Variants in PRKN observed in about 807,000 individuals in gnomAD.
The protein encoded by PRKN is parkin RBR E3 ubiquitin protein ligase, also known as E3 ubiquitin-protein ligase parkin.
Under a neutral mutation model 59.5 loss-of-function variants are expected in PRKN, and 56 were observed. That is an observed-to-expected ratio of 0.94 (90% CI 0.76 to 1.18). The LOEUF (loss-of-function observed/expected upper bound fraction) is 1.18. Ranked by LOEUF, PRKN falls within the 50% of genes most tolerant of loss-of-function variation. The probability of loss-of-function intolerance (pLI) is 0.00; values close to 1 mark genes in which losing one functional copy is unlikely to be tolerated. For synonymous variants in PRKN, 250 were observed against 222.1 expected, an observed-to-expected ratio of 1.13 and a Z score of -1.12; for missense variants, 657 against 596.4, an observed-to-expected ratio of 1.10 and a Z score of -1.06.
intron 1 of PRKN, among the ~76,000 whole-genome samples, chr6:162,511,071 A>T (rs1045250046): frequency 6.6e-6 from 1 of 152,168 alleles, no homozygotes; most frequent in African/African-American, 2.4e-5. Context: ...CCAATAGCAT[A>T]CTGTTTTCCA....
chr6:162,173,748 G>A (rs1435225783), intron 4 of PRKN, among the ~76,000 whole-genome samples: 3 of 152,216 alleles, frequency 2.0e-5, no homozygotes, highest in Non-Finnish European at 2.9e-5. Context: ...TTCAAATTCT[G>A]GCTCTGCCTA....
chr6:162,525,339 C>T (rs938932924), intron 1 of PRKN, among the ~76,000 whole-genome samples: 6 of 152,208 alleles, frequency 3.9e-5, no homozygotes, highest in Non-Finnish European at 2.9e-5. Flanking sequence ...ACTCACGGGC[C>T]TTCCTGCTGC....
At chr6:162,223,612 G>GAC (rs34881644) in intron 3 of PRKN, among the ~76,000 whole-genome samples, 8,233 of 129,174 alleles carry the variant, frequency 0.064, 273 homozygotes, top group Non-Finnish European at 0.078. Context: ...ATAGACACGT[G>GAC]ACACACACAC....
chr6:162,285,922 G>T (rs1413750202), intron 2 of PRKN, among the ~76,000 whole-genome samples: 3 of 152,164 alleles, frequency 2.0e-5, no homozygotes, highest in Non-Finnish European at 4.4e-5. Flanking sequence ...GGCGGCGGGG[G>T]CATAGATGGA....
chr6:161,402,379 C>T lies in PRKN; in HGVS notation c.1084-15502G>A, dbSNP rs1787088436. ...CATAGAAAGCAAACTAATTAAATGA[C>T]AGCTAAAGAGCAAGTGACTGTGTCC... On this transcript the variant is annotated intron_variant, in intron 9 of 11. Coordinates refer to ENST00000366898, the MANE Select transcript of PRKN (RefSeq NM_004562.3). The surrounding 1 kb of genome is among the most constrained non-coding windows in gnomAD (Gnocchi z 4.5). Among the ~76,000 whole-genome samples, 1 of 152,162 alleles carries T rather than the reference C, an allele frequency of 6.6e-6. No homozygotes were observed. The highest frequency in any genetic ancestry group is 1.5e-5 in the Non-Finnish European group (1 of 68,032).
chr6:162,461,917 G>T (rs1329467038), intron 1 of PRKN, among the ~76,000 whole-genome samples: 1 of 152,078 alleles, frequency 6.6e-6, no homozygotes, highest in Non-Finnish European at 1.5e-5. Context: ...GAATGATAGA[G>T]AAAAATAAGT....
intron 3 of PRKN, among the ~76,000 whole-genome samples, chr6:162,222,932 T>C (rs954059271): frequency 1.3e-5 from 2 of 151,986 alleles, no homozygotes; most frequent in Admixed American, 6.6e-5. Flanking sequence ...TATGTATACA[T>C]GTGCCATGCT....
intron 5 of PRKN, among the ~76,000 whole-genome samples, chr6:162,023,783 G>A (rs1256487488): frequency 1.3e-5 from 2 of 152,038 alleles, no homozygotes; most frequent in Non-Finnish European, 2.9e-5. Context: ...CCGTAGCCAG[G>A]GACCACGCCC....
Position 161,359,994 on chromosome 6 carries a change from G to C in PRKN, c.1285+94C>G. On this transcript the variant is annotated intron_variant, in intron 11 of 11. Transcript: ENST00000366898. The surrounding 1 kb of genome is among the most constrained non-coding windows in gnomAD (Gnocchi z 5.4). The stretch of plus-strand genomic sequence containing the variant: ...TTACCCAACACACCAGGCACCTTCA[G>C]ACAGCATCTCCTTTAATCCTGGAAT... The C allele has an allele frequency of 6.4e-6, 6 of 932,954 alleles. No homozygotes were observed. Among genetic ancestry groups the C allele is most frequent in the Non-Finnish European group, 1.1e-5 (6 of 559,684 alleles). 57.8% of individuals were successfully genotyped at this position (932,954 alleles called of 1,614,324 possible).
chr6:162,302,963 TACACAC>T (rs71004084), intron 2 of PRKN, among the ~76,000 whole-genome samples: 24 of 139,594 alleles, frequency 1.7e-4, no homozygotes, highest in South Asian at 9.3e-4. Context: ...GCCTTAAACA[TACACAC>T]ACACACACAC....
rs143586571 is a variant in PRKN, at chr6:161,580,379, T to G, written c.872-10963A>C. Among the ~76,000 whole-genome samples, 408 of 152,300 alleles carry G rather than the reference T, an allele frequency of 2.7e-3. 1 individual carries two copies. The highest frequency in any genetic ancestry group is 9.4e-3 in the African/African-American group (392 of 41,584). ...AGCCTTGGTATGCGGCTCAGGTGAC[T>G]GCACCATGGCCCTGGTATAAGCAAT... On this transcript the variant is annotated intron_variant, in intron 7 of 11. Transcript: ENST00000366898.
At position 161,460,938 on chromosome 6, in the gene PRKN, T is replaced by C. The variant is rs945799684; in HGVS notation, c.1084-74061A>G. On this transcript the variant is annotated intron_variant, in intron 9 of 11. Coordinates refer to ENST00000366898, the MANE Select transcript of PRKN (RefSeq NM_004562.3). This position sits in a 1 kb window ranked among gnomAD's most constrained non-coding sequence, Gnocchi z 5.0. ...CTAATTTTTCTTTCTTTTTTTTTTT[T>C]AGCAGAGACGGGGTTTCACCATGTT... Among the ~76,000 whole-genome samples the C allele has an allele frequency of 2.0e-5, 3 of 151,708 alleles. No homozygotes were observed. The highest frequency in any genetic ancestry group is 2.1e-4 in the South Asian group (1 of 4,792).
chr6:162,328,315 G>A (rs560614734), intron 2 of PRKN, among the ~76,000 whole-genome samples: 3 of 152,158 alleles, frequency 2.0e-5, no homozygotes, highest in South Asian at 2.1e-4. Flanking sequence ...GCAGCGAGCC[G>A]AGATCGCACC....
chr6:161,642,192 C>G (rs1400290790), intron 7 of PRKN, among the ~76,000 whole-genome samples: 3 of 152,202 alleles, frequency 2.0e-5, no homozygotes, highest in Middle Eastern at 3.4e-3. Flanking sequence ...GCTGTCTGTT[C>G]CTTTTGTTTT....
intron 1 of PRKN, among the ~76,000 whole-genome samples, chr6:162,659,586 A>G (rs1200412270): frequency 6.6e-6 from 1 of 152,122 alleles, no homozygotes; most frequent in East Asian, 1.9e-4. Context: ...CAATTAATGC[A>G]TATTTTTCAA....
chr6:162,275,844 T>C (rs1413850902), intron 2 of PRKN, among the ~76,000 whole-genome samples: 1 of 152,070 alleles, frequency 6.6e-6, no homozygotes, highest in Non-Finnish European at 1.5e-5. Flanking sequence ...CGATTGTACT[T>C]ATTATTTTGA....
intron 11 of PRKN, among the ~76,000 whole-genome samples, chr6:161,358,006 C>T (rs1042446970): frequency 3.9e-5 from 6 of 152,170 alleles, no homozygotes; most frequent in East Asian, 1.9e-4. Flanking sequence ...GCTTTACCAC[C>T]GATTTATCAC....
At chr6:161,771,879 C>T (rs1451541681) in intron 7 of PRKN, among the ~76,000 whole-genome samples, 6 of 152,170 alleles carry the variant, frequency 3.9e-5, no homozygotes, top group Admixed American at 3.3e-4. Context: ...ATATGTAAAT[C>T]AACCCCTCTA....
At chr6:162,320,785 C>A (rs909214975) in intron 2 of PRKN, among the ~76,000 whole-genome samples, 1 of 151,460 alleles carries the variant, frequency 6.6e-6, no homozygotes, top group Non-Finnish European at 1.5e-5. Context: ...AAATGCATTT[C>A]TAAACAAGCC....
Sources: allele counts gnomAD v4.1 joint callset (sites outside exome capture counted in the v4.1 genomes callset), GRCh38; gene constraint gnomAD v4.1.1; non-coding constraint Gnocchi (gnomAD v3.1); transcripts MANE v1.5; gene names NCBI Gene and HGNC (gene_info 2026-07-23, HGNC 2026-07-21).